The following IQCM variants were observed in gnomAD, a reference collection of about 807,000 sequenced individuals.
IQCM encodes the protein IQ domain-containing protein M.
IQCM carries 45 observed loss-of-function variants against 57.6 expected under a neutral mutation model. That is an observed-to-expected ratio of 0.78 (90% CI 0.62 to 1.00). The LOEUF is 1.00. Among genes scored for constraint, IQCM ranks in the 50% least tolerant of loss-of-function variants. IQCM has a pLI of 0.00. For missense variants in IQCM, 468 were observed against 511.6 expected (o/e 0.91, Z 0.82); for synonymous variants, 148 against 158.9 (o/e 0.93, Z 0.51).
In IQCM at chr4:149,430,108, T is replaced by C. The variant is rs1734723962; in HGVS notation, c.1390+3288A>G. The C allele has an allele frequency of 1.9e-5, 16 of 862,764 alleles. No individual in the cohort carries two copies. The South Asian group carries it at 9.5e-4, about 51-fold the overall frequency. 53.4% of individuals were successfully genotyped at this position (862,764 alleles called of 1,614,324 possible). On this transcript the variant is annotated intron_variant, in intron 13 of 13. Transcript: ENST00000636793. ...AACTTTCAACTTAAGTTATTCTTTC[T>C]CATAATTTTCCTTCTTTTTTGTTCT...
intron 5 of IQCM, among the ~76,000 whole-genome samples, chr4:149,696,302 G>T (rs1763337218): frequency 6.6e-6 from 1 of 152,108 alleles, no homozygotes; most frequent in African/African-American, 2.4e-5. Context: ...TTTATGAAAA[G>T]ATTCCAAAAA....
intron 13 of IQCM, among the ~76,000 whole-genome samples, chr4:149,368,281 G>C (rs1388498154): frequency 6.6e-6 from 1 of 151,776 alleles, no homozygotes; most frequent in Non-Finnish European, 1.5e-5. Context: ...TTAGTATTTA[G>C]AGGTAATATT....
At chr4:149,542,490 T>C (rs1341404114) in intron 12 of IQCM, among the ~76,000 whole-genome samples, 1 of 152,016 alleles carries the variant, frequency 6.6e-6, no homozygotes, top group Admixed American at 6.6e-5. Context: ...GAGAGCAAAA[T>C]TAAAGTTCCA....
intron 12 of IQCM, among the ~76,000 whole-genome samples, chr4:149,503,284 T>C (rs1743455554): frequency 6.6e-6 from 1 of 152,150 alleles, no homozygotes; most frequent in Admixed American, 6.6e-5. Flanking sequence ...TTTTCTGACC[T>C]ATAGAAATGC....
At chr4:149,418,581 C>T (rs527460153) in intron 13 of IQCM, among the ~76,000 whole-genome samples, 1 of 152,264 alleles carries the variant, frequency 6.6e-6, no homozygotes, top group African/African-American at 2.4e-5. Flanking sequence ...TCCTCCATAA[C>T]TCATTCTATG....
At chr4:149,664,998 A>C (rs931658420) in intron 7 of IQCM, among the ~76,000 whole-genome samples, 1 of 152,126 alleles carries the variant, frequency 6.6e-6, no homozygotes, top group Non-Finnish European at 1.5e-5. Flanking sequence ...TGGAATTTGA[A>C]ACCAAATTAT....
At chr4:149,507,661 G>C (rs1320569480) in intron 12 of IQCM, among the ~76,000 whole-genome samples, 1 of 152,066 alleles carries the variant, frequency 6.6e-6, no homozygotes, top group East Asian at 1.9e-4. Context: ...AAGATATTCA[G>C]TTTTAAAGGG....
chr4:149,514,916 G>C (rs960421002), intron 12 of IQCM, among the ~76,000 whole-genome samples: 2 of 152,112 alleles, frequency 1.3e-5, no homozygotes, highest in Non-Finnish European at 2.9e-5. Context: ...TCTTTCTTCT[G>C]TGCTGGATGC....
chr4:149,718,562 T>C (rs947919848), intron 5 of IQCM, among the ~76,000 whole-genome samples: 2 of 152,240 alleles, frequency 1.3e-5, no homozygotes, highest in Non-Finnish European at 2.9e-5. Context: ...CTTTCAGAAG[T>C]ATACTGTATT....
At chr4:149,702,364 C>T (rs182214399) in intron 5 of IQCM, among the ~76,000 whole-genome samples, 48 of 151,376 alleles carry the variant, frequency 3.2e-4, no homozygotes, top group Admixed American at 3.0e-3. Flanking sequence ...CACCTAAATA[C>T]TACCTGTATT....
intron 8 of IQCM, among the ~76,000 whole-genome samples, chr4:149,614,629 G>T (rs1755618647): frequency 6.6e-6 from 1 of 151,534 alleles, no homozygotes; most frequent in African/African-American, 2.4e-5. Context: ...TCTAGGGCAT[G>T]GGTGTCCAGT....
At chr4:149,639,268 A>G (rs1260732388) in intron 7 of IQCM, among the ~76,000 whole-genome samples, 1 of 152,020 alleles carries the variant, frequency 6.6e-6, no homozygotes, top group African/African-American at 2.4e-5. Context: ...TCTACAAAAA[A>G]TTTAAAAATT....
intron 13 of IQCM, among the ~76,000 whole-genome samples, chr4:149,368,819 C>T (rs13128185): frequency 1.7e-3 from 121 of 72,266 alleles, no homozygotes; most frequent in Middle Eastern, 8.8e-3. Context: ...TATATATATA[C>T]ATATATATAC....
intron 5 of IQCM, among the ~76,000 whole-genome samples, chr4:149,718,615 C>G (rs939125991): frequency 6.6e-6 from 1 of 152,202 alleles, no homozygotes; most frequent in Non-Finnish European, 1.5e-5. Context: ...AAGCTTGTGA[C>G]TTAAAACGAC....
intron 8 of IQCM, among the ~76,000 whole-genome samples, chr4:149,601,009 A>G (rs1754228283): frequency 6.6e-6 from 1 of 152,202 alleles, no homozygotes; most frequent in Non-Finnish European, 1.5e-5. Context: ...CCACACAATG[A>G]CTAAATTCAT....
At chr4:149,571,188 A>G (rs1047839664) in intron 9 of IQCM, among the ~76,000 whole-genome samples, 2 of 152,122 alleles carry the variant, frequency 1.3e-5, no homozygotes. Context: ...AGATAACTGC[A>G]CCACCGTGCT....
chr4:149,536,006 A>T (rs567127042), intron 12 of IQCM, among the ~76,000 whole-genome samples: 150 of 152,130 alleles, frequency 9.9e-4, no homozygotes, highest in Middle Eastern at 3.4e-3. Context: ...GAGCAGGCAG[A>T]ATTGTAGGAA....
chr4:149,683,026 T>C (rs1762295188), intron 6 of IQCM, among the ~76,000 whole-genome samples: 1 of 151,258 alleles, frequency 6.6e-6, no homozygotes. Context: ...AATTTTATAC[T>C]ATTATTTTGC....
intron 7 of IQCM, among the ~76,000 whole-genome samples, chr4:149,679,649 T>C (rs2150198670): frequency 6.6e-6 from 1 of 151,276 alleles, no homozygotes; most frequent in South Asian, 2.1e-4. Context: ...ACATGTGTTA[T>C]GCATGAATTG....
Sources: gnomAD v4.1 joint callset for allele counts (sites outside exome capture counted in the v4.1 genomes callset) on GRCh38, gnomAD v4.1.1 for gene constraint, MANE v1.5 for transcripts, NCBI Gene and HGNC (gene_info 2026-07-23, HGNC 2026-07-21) for gene names.